NIBAN2: variants seen among roughly 807,000 people sequenced by gnomAD.
NIBAN2 encodes protein Niban 2.
NIBAN2 carries 36 observed loss-of-function variants against 81.8 expected under a neutral mutation model. That is an observed-to-expected ratio of 0.44 (90% CI 0.34 to 0.58). The LOEUF is 0.58. NIBAN2 is among the 20% of genes least tolerant of loss of function. The pLI is 0.02. For missense variants in NIBAN2, 897 were observed against 1,014.1 expected (o/e 0.88, Z 1.57); for synonymous variants, 445 against 441.6 (o/e 1.01, Z -0.10).
rs200376975 is a variant in NIBAN2, at chr9:127,506,813, G to A, written c.*32C>T. The A allele has an allele frequency of 5.7e-4, 885 of 1,557,108 alleles. 4 individuals are homozygous for A. The African/African-American group carries it at 0.011, about 19-fold the overall frequency. On this transcript the variant is annotated 3_prime_UTR_variant, in exon 14 of 14. Coordinates refer to ENST00000373312, the MANE Select transcript of NIBAN2 (RefSeq NM_022833.4). ...GCCTGGGTCCGGAAGGGAACGGCCT[G>A]TGCCATGTGCAGCAGTCAGGGACCC... is the stretch of plus-strand genomic sequence containing the variant.
At chr9:127,535,693 G>A (rs888843508) in intron 1 of NIBAN2, among the ~76,000 whole-genome samples, 3 of 152,056 alleles carry the variant, frequency 2.0e-5, no homozygotes, top group Non-Finnish European at 2.9e-5. Context: ...GGCTGGAGTC[G>A]CTCACTATCC....
At chr9:127,574,520 C>T (rs543181220) in intron 1 of NIBAN2, among the ~76,000 whole-genome samples, 2 of 152,258 alleles carry the variant, frequency 1.3e-5, no homozygotes, top group African/African-American at 4.8e-5. Context: ...GAGCATTCCG[C>T]AGGAGCCCAG....
In NIBAN2 at chr9:127,527,319, G is replaced by A; in HGVS notation, c.190C>T (p.Pro64Ser). ...GAGAAGACGATGCGCTCGTCCAGTG[G>A]CACCTGTGGGCAGGAGCGGGTGGGG... The part of the protein sequence containing the change: ...PQAQLLWRKV[P>S]LDERIVFSGN... The change falls in exon 3 of 14, where the codon CCA becomes TCA. Residue 64 changes from proline to serine, a missense_variant. Physicochemically the swap from Pro to Ser is moderately conservative, Grantham distance 74 (BLOSUM62 -1). This residue lies in a region of NIBAN2 where 209 missense variants were observed against 208.4 expected (regional missense o/e 1.00). Transcript: ENST00000373312. 2 of 1,613,102 alleles carry A rather than the reference G, an allele frequency of 1.2e-6. No homozygotes were observed. The highest frequency in any genetic ancestry group is 1.7e-6 in the Non-Finnish European group (2 of 1,179,792).
At chr9:127,524,867 T>A (rs1443558046) in intron 4 of NIBAN2, 191 bp downstream of exon 4, 1 of 556,064 alleles carries the variant, frequency 1.8e-6, no homozygotes, top group Non-Finnish European at 3.2e-6. Context: ...TCACTGAACA[T>A]CTTCCAGGAG....
At chr9:127,551,152 G>A (rs554294812) in intron 1 of NIBAN2, among the ~76,000 whole-genome samples, 2 of 152,308 alleles carry the variant, frequency 1.3e-5, no homozygotes, top group East Asian at 3.9e-4. Flanking sequence ...ACTTTAGGAG[G>A]CCAAGGTGGG....
At chr9:127,530,355 G>GTGCA (rs1223425491) in intron 2 of NIBAN2, among the ~76,000 whole-genome samples, 8 of 152,236 alleles carry the variant, frequency 5.3e-5, no homozygotes, top group Non-Finnish European at 7.3e-5. Context: ...GCCCTGGGCT[G>GTGCA]GTCCAGCCTC....
At position 127,508,468 on chromosome 9, in the gene NIBAN2, T is replaced by C; in HGVS notation, c.1388A>G (p.Glu463Gly). ...HQELGKGPTK[E>G]ELCKSIQRVL... is the part of the protein sequence containing the mutation. ...CCGCTGGATGGACTTGCACAGCTCC[T>C]CCTTGGTGGGCCCCTTCCCCAGCTC... is the stretch of plus-strand genomic sequence containing the variant. The change falls in exon 11 of 14, where the codon GAG becomes GGG. Residue 463 changes from glutamate (E) to glycine (G), a missense_variant. Coordinates refer to ENST00000373312, the MANE Select transcript of NIBAN2 (RefSeq NM_022833.4). This position sits in a 1 kb window ranked among gnomAD's most constrained non-coding sequence, Gnocchi z 6.4. 2 of 1,613,668 alleles carry C rather than the reference T, an allele frequency of 1.2e-6. No individual in the cohort carries two copies. Among genetic ancestry groups the C allele is most frequent in the Non-Finnish European group, 1.7e-6 (2 of 1,179,952 alleles).
At chr9:127,544,496 T>A (rs975362513) in intron 1 of NIBAN2, among the ~76,000 whole-genome samples, 2 of 152,114 alleles carry the variant, frequency 1.3e-5, no homozygotes, top group Non-Finnish European at 2.9e-5. Context: ...TTTATTTTTT[T>A]AATTAATTAA....
chr9:127,568,807 G>A lies in NIBAN2; in HGVS notation c.55+13C>T. The A allele has an allele frequency of 1.5e-6, 2 of 1,325,672 alleles. No individual in the cohort carries two copies. The highest frequency in any genetic ancestry group is 1.8e-5 in the South Asian group (1 of 54,550). The allele number at this position is 1,325,672 out of a possible 1,614,324, so 82.1% of individuals were successfully genotyped here. ...CAGGCCCCTGGGCGCGCGTGGCGCG[G>A]CGCGACCCTCACCTGCGATGTGCTG... On this transcript the variant is annotated intron_variant, in intron 1 of 13. Transcript: ENST00000373312.
In NIBAN2 at chr9:127,506,874, C is replaced by A. The variant is rs1441254634; in HGVS notation, c.2212G>T (p.Asp738Tyr). ...SHPALHTTTE[D>Y]SAGVQTEF Reference sequence around the variant, plus strand: ...AACTCAGTCTGCACCCCTGCACTGTCCTCGGTGGTGGTGTGGAGGGCGGGG... The same window carrying A: ...AACTCAGTCTGCACCCCTGCACTGTACTCGGTGGTGGTGTGGAGGGCGGGG... Residue 738 changes from aspartate (D) to tyrosine (Y), a missense_variant, in exon 14 of 14, where the codon GAC (aspartate) becomes TAC (tyrosine). Asp to Tyr is a radical substitution (Grantham distance 160). Coordinates refer to ENST00000373312, the MANE Select transcript of NIBAN2 (RefSeq NM_022833.4). The A allele has an allele frequency of 1.2e-6, 2 of 1,612,512 alleles. No individual in the cohort carries two copies. Among genetic ancestry groups the A allele is most frequent in the Non-Finnish European group, 1.7e-6 (2 of 1,179,442 alleles).
chr9:127,559,756 C>T lies in NIBAN2; in HGVS notation c.55+9064G>A, dbSNP rs1409713527. On this transcript the variant is annotated intron_variant, in intron 1 of 13. Coordinates refer to ENST00000373312, the MANE Select transcript of NIBAN2 (RefSeq NM_022833.4). This position sits in a 1 kb window ranked among gnomAD's most constrained non-coding sequence, Gnocchi z 4.0. ...TGCCCAGTTACTCCCTGGGCCCCCA[C>T]CCCTGCACGTGGACCCTCTACCCAG... 6.6e-6 allele frequency among the ~76,000 whole-genome samples: 1 copy of T among 152,194 alleles called. No homozygotes were observed. Among genetic ancestry groups the T allele is most frequent in the Non-Finnish European group, 1.5e-5 (1 of 68,034 alleles).
intron 1 of NIBAN2, among the ~76,000 whole-genome samples, chr9:127,548,868 A>G (rs891862511): frequency 4.6e-5 from 7 of 152,172 alleles, no homozygotes; most frequent in Non-Finnish European, 1.5e-5. Flanking sequence ...TGCCAAGCAG[A>G]GCCCATTCTC....
At chr9:127,542,039 A>G (rs1347039136) in intron 1 of NIBAN2, among the ~76,000 whole-genome samples, 3 of 152,140 alleles carry the variant, frequency 2.0e-5, no homozygotes, top group Non-Finnish European at 4.4e-5. Flanking sequence ...CAGCCACTGA[A>G]GTCCTGCCTA....
intron 1 of NIBAN2, among the ~76,000 whole-genome samples, chr9:127,541,048 A>C (rs143888639): frequency 7.4e-4 from 112 of 152,232 alleles, no homozygotes; most frequent in African/African-American, 2.7e-3. Context: ...TGCCGACCCC[A>C]CCCACCCTAC....
intron 3 of NIBAN2, among the ~76,000 whole-genome samples, chr9:127,525,765 C>A (rs1478999046): frequency 6.6e-6 from 1 of 152,240 alleles, no homozygotes; most frequent in Non-Finnish European, 1.5e-5. Flanking sequence ...TCACCCCCAA[C>A]TTCACACAGT....
At chr9:127,573,280 A>G (rs1588196650), upstream of NIBAN2, among the ~76,000 whole-genome samples, 1 of 151,016 alleles carries the variant, frequency 6.6e-6, no homozygotes, top group African/African-American at 2.4e-5. Flanking sequence ...CCAGATGGGG[A>G]GGCAGCCTGA....
At chr9:127,558,774 G>A (rs1837721357) in intron 1 of NIBAN2, among the ~76,000 whole-genome samples, 1 of 152,180 alleles carries the variant, frequency 6.6e-6, no homozygotes, top group African/African-American at 2.4e-5. Context: ...TCCTCCTCTA[G>A]ATGCCTGAAT....
chr9:127,527,838 A>G (rs1000661223), intron 2 of NIBAN2, among the ~76,000 whole-genome samples: 2 of 152,216 alleles, frequency 1.3e-5, no homozygotes, highest in African/African-American at 4.8e-5. Flanking sequence ...GATAACTTGA[A>G]CAAGGTGGCT....
At position 127,551,131 on chromosome 9, in the gene NIBAN2, G is replaced by A. The variant is rs540225351; in HGVS notation, c.55+17689C>T. Among the ~76,000 whole-genome samples, 49 of 152,322 alleles carry A rather than the reference G, an allele frequency of 3.2e-4. No individual in the cohort carries two copies. In the Middle Eastern group the frequency reaches 0.014, roughly 42 times the overall value. On this transcript the variant is annotated intron_variant, in intron 1 of 13. Transcript: ENST00000373312. ...CGGCTAGGTGCGGTGGCTCATGTCTGTAATCCCAACACTTTAGGAGGCCAA... is the reference window on the plus strand; with the variant it reads ...CGGCTAGGTGCGGTGGCTCATGTCTATAATCCCAACACTTTAGGAGGCCAA...
Sources: gnomAD v4.1 joint callset for allele counts (sites outside exome capture counted in the v4.1 genomes callset) on GRCh38, gnomAD v4.1.1 for gene constraint, gnomAD v4.1.1 regional missense constraint, Gnocchi (gnomAD v3.1) non-coding constraint, MANE v1.5 for transcripts, NCBI Gene and HGNC (gene_info 2026-07-23, HGNC 2026-07-21) for gene names.